PTPRK: variants seen among roughly 807,000 people sequenced by gnomAD.
PTPRK encodes the protein protein tyrosine phosphatase receptor type K.
A neutral mutation model predicts 178.0 loss-of-function variants in PTPRK; 75 were observed. That is an observed-to-expected ratio of 0.42 (90% CI 0.35 to 0.51). PTPRK has a LOEUF of 0.51. PTPRK is among the 20% of genes least tolerant of loss of function. The pLI is 0.02. For synonymous variants in PTPRK, 637 were observed against 620.6 expected (o/e 1.03, Z -0.39); for missense variants, 1,441 against 1,797.8 (o/e 0.80, Z 3.59).
chr6:128,384,636 A>G (rs1160310524), intron 2 of PTPRK, among the ~76,000 whole-genome samples: 1 of 152,238 alleles, frequency 6.6e-6, no homozygotes, highest in African/African-American at 2.4e-5. Context: ...AGAATAGTAC[A>G]GATATTTTGA....
chr6:128,262,599 G>C (rs1416812455), intron 3 of PTPRK, among the ~76,000 whole-genome samples: 3 of 152,144 alleles, frequency 2.0e-5, no homozygotes, highest in Admixed American at 2.0e-4. Flanking sequence ...GAAGGAGGGA[G>C]AGGGAGAGAA....
intron 24 of PTPRK, 111 bp from the exon 25 acceptor site, chr6:127,981,400 G>T: frequency 1.1e-6 from 1 of 910,828 alleles, no homozygotes; most frequent in Non-Finnish European, 1.6e-6. Context: ...ATTTGTGCGA[G>T]GCAATGGCAT....
At chr6:127,999,684 A>G (rs911739856) in intron 15 of PTPRK, among the ~76,000 whole-genome samples, 4 of 151,948 alleles carry the variant, frequency 2.6e-5, no homozygotes, top group African/African-American at 9.7e-5. Context: ...ATGACCTCTT[A>G]TTCATTTTTA....
intron 13 of PTPRK, among the ~76,000 whole-genome samples, chr6:128,058,378 A>T (rs1245540795): frequency 6.6e-6 from 1 of 152,120 alleles, no homozygotes; most frequent in East Asian, 1.9e-4. Context: ...GTGGAATCAC[A>T]TTGTGGTTTC....
chr6:128,030,005 A>C (rs1025232228), intron 13 of PTPRK, among the ~76,000 whole-genome samples: 1 of 152,156 alleles, frequency 6.6e-6, no homozygotes, highest in African/African-American at 2.4e-5. Flanking sequence ...TGGTATTAGC[A>C]TAAGTCTAAC....
Position 128,106,298 on chromosome 6 carries a change from C to T in PTPRK, c.1163-16306G>A, listed in dbSNP as rs192258031. ...AACCCTTGAGAGTTTTGGGAAGAAT[C>T]GTTTAGTTTTGTTGTTGTTTCTTTT... On this transcript the variant is annotated intron_variant, in intron 7 of 29. Transcript: ENST00000368226. Among the ~76,000 whole-genome samples, 590 of 152,132 alleles carry T rather than the reference C, an allele frequency of 3.9e-3. 5 individuals are homozygous for T. Among genetic ancestry groups the T allele is most frequent in the African/African-American group, 0.013 (544 of 41,532 alleles).
intron 7 of PTPRK, among the ~76,000 whole-genome samples, chr6:128,148,008 T>C (rs1796733092): frequency 1.3e-5 from 2 of 152,060 alleles, no homozygotes; most frequent in Admixed American, 1.3e-4. Flanking sequence ...CACAGAAGAA[T>C]TTGAGTTGAC....
At chr6:128,238,132 T>TC in intron 5 of PTPRK, 1 of 434,730 alleles carries the variant, frequency 2.3e-6, no homozygotes, top group African/African-American at 2.2e-5. Context: ...TGAGGCAATG[T>TC]CCATGTCAAA....
At chr6:128,253,142 T>A (rs1029878155) in intron 3 of PTPRK, among the ~76,000 whole-genome samples, 25 of 151,976 alleles carry the variant, frequency 1.6e-4, no homozygotes, top group African/African-American at 6.0e-4. Flanking sequence ...AATATGAAAC[T>A]CAGAAATAAA....
chr6:128,219,370 A>G (rs890671713), intron 5 of PTPRK, among the ~76,000 whole-genome samples: 1 of 152,196 alleles, frequency 6.6e-6, no homozygotes, highest in African/African-American at 2.4e-5. Context: ...TTCCACCTCA[A>G]ATCATCAGGC....
At position 127,981,271 on chromosome 6, in the gene PTPRK, G is replaced by A. The variant is rs764575325; in HGVS notation, c.3556C>T (p.Pro1186Ser). 1 of 1,613,570 alleles carries A rather than the reference G, an allele frequency of 6.2e-7. No individual in the cohort carries two copies. The highest frequency in any genetic ancestry group is 1.7e-5 in the Admixed American group (1 of 59,972). Reference sequence around the variant, plus strand: ...CTGCAGTCTTCAGCTTGTAGTCGAGGGGTGACTGAATTCAGAGTCTAAAAA... The same window carrying A: ...CTGCAGTCTTCAGCTTGTAGTCGAGAGGTGACTGAATTCAGAGTCTAAAAA... ...DEFQTLNSVT[P>S]RLQAEDCSIA... The change falls in exon 25 of 30, where the codon CCT becomes TCT. Residue 1186 changes from proline to serine, a missense_variant. Around this residue, in one of 4 missense-constraint regions of PTPRK, gnomAD observed 335 missense variants for 512.4 expected, o/e 0.65. Coordinates refer to ENST00000368226, the MANE Select transcript of PTPRK (RefSeq NM_002844.4).
intron 2 of PTPRK, among the ~76,000 whole-genome samples, chr6:128,368,954 A>T (rs4449645): frequency 6.6e-6 from 1 of 151,898 alleles, no homozygotes; most frequent in South Asian, 2.1e-4. Flanking sequence ...AACAAACAAA[A>T]AAAAAAACAC....
intron 3 of PTPRK, among the ~76,000 whole-genome samples, chr6:128,292,202 C>T (rs1253094569): frequency 2.6e-5 from 4 of 151,910 alleles, no homozygotes; most frequent in African/African-American, 9.7e-5. Context: ...AAAAATAAAA[C>T]AAATATCAGT....
In PTPRK at chr6:128,184,098, T is replaced by G. The variant is rs919648104; in HGVS notation, c.1162+334A>C. Among the ~76,000 whole-genome samples, 16 of 152,308 alleles carry G rather than the reference T, an allele frequency of 1.1e-4. 1 individual carries two copies. Among genetic ancestry groups the G allele is most frequent in the Admixed American group, 1.0e-3 (16 of 15,286 alleles). ...AGTAAAAAAGTATTCGGTATTTGCTTGAACTAAAATGATCTTTTCTCTCAA... is the reference window on the plus strand; with the variant it reads ...AGTAAAAAAGTATTCGGTATTTGCTGGAACTAAAATGATCTTTTCTCTCAA... On this transcript the variant is annotated intron_variant, in intron 7 of 29. Coordinates refer to ENST00000368226, the MANE Select transcript of PTPRK (RefSeq NM_002844.4).
chr6:128,104,362 G>A (rs1341333249), intron 7 of PTPRK, among the ~76,000 whole-genome samples: 5 of 152,258 alleles, frequency 3.3e-5, no homozygotes, highest in African/African-American at 1.2e-4. Context: ...GAGTTGCTGG[G>A]ACTACAGGCA....
intron 2 of PTPRK, among the ~76,000 whole-genome samples, chr6:128,396,773 G>A (rs1840361362): frequency 6.6e-6 from 1 of 152,170 alleles, no homozygotes; most frequent in Admixed American, 6.5e-5. Flanking sequence ...GCCGAGGCGG[G>A]CGGATCACGA....
chr6:128,454,016 A>G (rs936164935), intron 1 of PTPRK, among the ~76,000 whole-genome samples: 3 of 152,198 alleles, frequency 2.0e-5, no homozygotes, highest in Admixed American at 1.3e-4. Context: ...ACATATGGAT[A>G]TATAATAAGA....
intron 1 of PTPRK, among the ~76,000 whole-genome samples, chr6:128,469,187 A>G (rs1350051777): frequency 6.6e-6 from 1 of 152,200 alleles, no homozygotes; most frequent in African/African-American, 2.4e-5. Context: ...CATTTATTTT[A>G]TCTAGCTAGA....
intron 1 of PTPRK, among the ~76,000 whole-genome samples, chr6:128,449,511 G>C (rs1179178153): frequency 2.0e-5 from 3 of 151,794 alleles, no homozygotes; most frequent in Non-Finnish European, 4.4e-5. Context: ...CGGAAACCTG[G>C]ATAAAAAAAT....
Sources: allele counts gnomAD v4.1 joint callset (sites outside exome capture counted in the v4.1 genomes callset), GRCh38; gene constraint gnomAD v4.1.1; regional missense constraint gnomAD v4.1.1; transcripts MANE v1.5; gene names NCBI Gene and HGNC (gene_info 2026-07-23, HGNC 2026-07-21).